Variants in CRISPLD2 observed in about 807,000 individuals in gnomAD.
CRISPLD2 encodes the protein cysteine rich secretory protein LCCL domain containing 2.
In CRISPLD2, 47 loss-of-function variants were observed where a neutral mutation model predicts 71.1. That is an observed-to-expected ratio of 0.66 (90% confidence interval 0.52 to 0.84). The LOEUF (loss-of-function observed/expected upper bound fraction) is 0.84, where lower values mean the gene tolerates loss of function less well. Among genes scored for constraint, CRISPLD2 ranks in the 40% least tolerant of loss-of-function variants. The pLI, the probability that CRISPLD2 is intolerant of heterozygous loss-of-function variation, is 0.00. For missense variants in CRISPLD2, 830 were observed against 651.1 expected, an observed-to-expected ratio of 1.27 and a Z score of -2.99; for synonymous variants, 317 against 250.1, an observed-to-expected ratio of 1.27 and a Z score of -2.52.
rs1420459751 is a variant in CRISPLD2, at chr16:84,909,419, A to G, written c.*2777A>G. On this transcript the variant is annotated 3_prime_UTR_variant, in exon 15 of 15. Transcript: ENST00000262424. ...GGGGCCACGTTGTTGCAATTGTTTC[A>G]GTAGAACTGGTTTGATTTCTAAAAT... 6.5e-6 allele frequency: 1 copy of G among 152,680 alleles called. No homozygotes were observed. The highest frequency in any genetic ancestry group is 1.5e-5 in the Non-Finnish European group (1 of 68,038). The allele number at this position is 152,680 out of a possible 1,614,324, so 9.5% of individuals were successfully genotyped here. A position where few individuals can be genotyped will look rare whatever the true frequency, so the allele number is the denominator to read the frequency against.
Position 84,907,962 on chromosome 16 carries a change from G to C in CRISPLD2, c.*1320G>C, listed in dbSNP as rs1357320764. The C allele has an allele frequency of 2.6e-5, 4 of 152,084 alleles. No individual in the cohort carries two copies. Among genetic ancestry groups the C allele is most frequent in the Admixed American group, 2.6e-4 (4 of 15,284 alleles). The allele number at this position is 152,084 out of a possible 1,614,324, so 9.4% of individuals were successfully genotyped here. A position where few individuals can be genotyped will look rare whatever the true frequency, so the allele number is the denominator to read the frequency against. ...ACCCTTTTGTAAATAGCATTTTTTT[G>C]CAGAAGGTGAAAATTCCACTCTCTA... On this transcript the variant is annotated 3_prime_UTR_variant, in exon 15 of 15. Transcript: ENST00000262424.
At chr16:84,895,708 C>T (rs2071699876) in intron 14 of CRISPLD2, among the ~76,000 whole-genome samples, 1 of 152,174 alleles carries the variant, frequency 6.6e-6, no homozygotes, top group Non-Finnish European at 1.5e-5. Context: ...CATACCCAGC[C>T]TGCGTTGCCC....
At chr16:84,846,132 GT>G in intron 3 of CRISPLD2, 1 of 386,156 alleles carries the variant, frequency 2.6e-6, no homozygotes, top group South Asian at 6.9e-5. Flanking sequence ...ATTGATTAAA[GT>G]TTGTAGTTTG....
At chr16:84,902,763 G>T (rs1408206421) in intron 14 of CRISPLD2, among the ~76,000 whole-genome samples, 1 of 143,140 alleles carries the variant, frequency 7.0e-6, no homozygotes, top group Admixed American at 7.2e-5. Flanking sequence ...TTGGAAAATC[G>T]GCCCATTGCT....
At chr16:84,878,380 A>G (rs1312978054) in intron 12 of CRISPLD2, among the ~76,000 whole-genome samples, 1 of 139,612 alleles carries the variant, frequency 7.2e-6, no homozygotes, top group East Asian at 1.9e-4. Context: ...TGCACCAGGG[A>G]GCTTCTTTCT....
chr16:84,861,104 C>T (rs1484259440), intron 6 of CRISPLD2, among the ~76,000 whole-genome samples: 6 of 152,170 alleles, frequency 3.9e-5, no homozygotes. Flanking sequence ...ATTTATTGTG[C>T]ATAACTCTCC....
intron 13 of CRISPLD2, among the ~76,000 whole-genome samples, chr16:84,887,195 A>T (rs2071620908): frequency 6.6e-6 from 1 of 152,188 alleles, no homozygotes; most frequent in African/African-American, 2.4e-5. Context: ...GAGGTGACAT[A>T]GCCCAGCCCC....
In CRISPLD2 at chr16:84,880,502, T is replaced by G. The variant is rs192896764; in HGVS notation, c.1230-7T>G. The G allele has an allele frequency of 1.1e-5, 18 of 1,609,784 alleles. 1 individual carries two copies. Among genetic ancestry groups the G allele is most frequent in the African/African-American group, 9.4e-5 (7 of 74,778 alleles). ...GACCCATCACATAAATGCTTCCTGTTTTTCAGAATCCATTGTCCGGCACAC... is the reference window on the plus strand; with the variant it reads ...GACCCATCACATAAATGCTTCCTGTGTTTCAGAATCCATTGTCCGGCACAC... On this transcript the variant is annotated splice_region_variant and splice_polypyrimidine_tract_variant and intron_variant, in intron 12 of 14. Coordinates refer to ENST00000262424, the MANE Select transcript of CRISPLD2 (RefSeq NM_031476.4).
At chr16:84,888,473 C>T (rs2071632191) in intron 13 of CRISPLD2, among the ~76,000 whole-genome samples, 1 of 152,216 alleles carries the variant, frequency 6.6e-6, no homozygotes, top group African/African-American at 2.4e-5. Flanking sequence ...AAGGTTTTAT[C>T]ACCCAGAAAC....
At chr16:84,849,913 G>C (rs1367410196) in intron 4 of CRISPLD2, among the ~76,000 whole-genome samples, 1 of 143,830 alleles carries the variant, frequency 7.0e-6, no homozygotes, top group Non-Finnish European at 1.5e-5. Context: ...TTTTTTTAGA[G>C]ATGGGTCTGG....
At chr16:84,829,006 C>A (rs1916422817) in intron 1 of CRISPLD2, 1 of 151,842 alleles carries the variant, frequency 6.6e-6, no homozygotes, top group Admixed American at 6.6e-5. Flanking sequence ...ACCCAGGAGG[C>A]AGAGGTTCCA....
At chr16:84,874,019 TG>T in intron 11 of CRISPLD2, 56 bp downstream of exon 11, 1 of 1,475,182 alleles carries the variant, frequency 6.8e-7, no homozygotes, top group Non-Finnish European at 9.3e-7. Flanking sequence ...CAGATTTTCC[TG>T]GAAATTTCAC....
At chr16:84,827,306 CT>C (rs1170965827) in intron 1 of CRISPLD2, among the ~76,000 whole-genome samples, 1 of 152,106 alleles carries the variant, frequency 6.6e-6, no homozygotes, top group East Asian at 1.9e-4. Context: ...TGTTGCAAGG[CT>C]TTTGCGACAC....
intron 1 of CRISPLD2, among the ~76,000 whole-genome samples, chr16:84,826,549 C>G (rs938396079): frequency 6.6e-6 from 1 of 152,240 alleles, no homozygotes; most frequent in Non-Finnish European, 1.5e-5. Context: ...TCTTCCCTGC[C>G]ATCTCTCCCT....
intron 1 of CRISPLD2, among the ~76,000 whole-genome samples, chr16:84,823,645 CG>C (rs990582617): frequency 2.6e-5 from 4 of 152,070 alleles, no homozygotes; most frequent in South Asian, 2.1e-4. Flanking sequence ...TGTACAATGA[CG>C]AGTACTCTTG....
intron 1 of CRISPLD2, among the ~76,000 whole-genome samples, chr16:84,822,525 G>A (rs1244310324): frequency 2.6e-5 from 4 of 152,166 alleles, no homozygotes; most frequent in African/African-American, 4.8e-5. Flanking sequence ...GTCTGCCTGC[G>A]CCAGACTCAG....
chr16:84,821,518 A>G (rs1241153672), intron 1 of CRISPLD2, among the ~76,000 whole-genome samples: 1 of 152,138 alleles, frequency 6.6e-6, no homozygotes, highest in Admixed American at 6.5e-5. Context: ...GTGCTTGCCT[A>G]AGATCCCCCA....
chr16:84,851,890 G>A (rs76119530), intron 5 of CRISPLD2, among the ~76,000 whole-genome samples: 238 of 152,362 alleles, frequency 1.6e-3, no homozygotes, highest in African/African-American at 5.5e-3. Flanking sequence ...CTCATCTGAA[G>A]TATACAGTGC....
chr16:84,892,276 C>A (rs568403177), intron 14 of CRISPLD2, among the ~76,000 whole-genome samples: 1 of 152,224 alleles, frequency 6.6e-6, no homozygotes, highest in African/African-American at 2.4e-5. Flanking sequence ...GCCCAGCAGC[C>A]TGCGTCTGAG....
Sources: allele counts gnomAD v4.1 joint callset (sites outside exome capture counted in the v4.1 genomes callset), GRCh38; gene constraint gnomAD v4.1.1; transcripts MANE v1.5; gene names NCBI Gene and HGNC (gene_info 2026-07-23, HGNC 2026-07-21).